NALF1: variants seen among roughly 807,000 people sequenced by gnomAD.
The protein encoded by NALF1 is NALCN channel auxiliary factor 1.
NALF1 carries 3 observed loss-of-function variants against 48.4 expected under a neutral mutation model. The ratio of observed to expected loss-of-function variants is 0.06; its 90% CI spans 0.03 to 0.16. The LOEUF is 0.16. Among genes scored for constraint, NALF1 ranks in the 10% least tolerant of loss-of-function variants. The pLI, the probability that NALF1 is intolerant of heterozygous loss-of-function variation, is 1.00. For synonymous variants in NALF1, 262 were observed against 245.7 expected (o/e 1.07, Z -0.62); for missense variants, 526 against 571.5 (o/e 0.92, Z 0.81).
At chr13:107,312,026 G>A (rs1455601582) in intron 1 of NALF1, among the ~76,000 whole-genome samples, 1 of 152,148 alleles carries the variant, frequency 6.6e-6, no homozygotes, top group Non-Finnish European at 1.5e-5. Context: ...ATTCCTCAGG[G>A]ATCTAGAACT....
intron 1 of NALF1, among the ~76,000 whole-genome samples, chr13:107,295,279 T>C (rs1482726712): frequency 2.0e-5 from 3 of 152,222 alleles, no homozygotes; most frequent in Admixed American, 6.5e-5. Context: ...CTTAAGATAA[T>C]GACCTCCAGT....
At chr13:107,430,422 T>C (rs1337549715) in intron 1 of NALF1, among the ~76,000 whole-genome samples, 1 of 152,130 alleles carries the variant, frequency 6.6e-6, no homozygotes, top group Non-Finnish European at 1.5e-5. Context: ...GTATATCTCC[T>C]AATGCTATCC....
chr13:107,800,109 ATTG>A (rs1878559583), intron 1 of NALF1, among the ~76,000 whole-genome samples: 2 of 152,130 alleles, frequency 1.3e-5, no homozygotes, highest in South Asian at 4.1e-4. Flanking sequence ...GTAGTTGATA[ATTG>A]TTGGTGGGTC....
Position 107,169,353 on chromosome 13 carries a change from G to C in NALF1, c.*1144C>G, listed in dbSNP as rs1272106039. ...TATTCTGTATATTGCAGGTGTTTGA[G>C]CATTTCTAGTGTCTCTTCCACAACA... On this transcript the variant is annotated 3_prime_UTR_variant, in exon 3 of 3. Coordinates refer to ENST00000375915, the MANE Select transcript of NALF1 (RefSeq NM_001080396.3). 1 of 152,184 alleles carries C rather than the reference G, an allele frequency of 6.6e-6. No individual in the cohort carries two copies. The highest frequency in any genetic ancestry group is 1.5e-5 in the Non-Finnish European group (1 of 68,034). 9.4% of individuals were successfully genotyped at this position (152,184 alleles called of 1,614,324 possible). A position where few individuals can be genotyped will look rare whatever the true frequency, so the allele number is the denominator to read the frequency against.
At chr13:107,665,872 G>A (rs114138358) in intron 1 of NALF1, among the ~76,000 whole-genome samples, 134 of 152,254 alleles carry the variant, frequency 8.8e-4, no homozygotes, top group African/African-American at 3.1e-3. Flanking sequence ...AAGTGATGAT[G>A]CCAGCCATTT....
chr13:107,531,764 T>C (rs1876647730), intron 1 of NALF1, among the ~76,000 whole-genome samples: 1 of 152,122 alleles, frequency 6.6e-6, no homozygotes, highest in Non-Finnish European at 1.5e-5. Context: ...GAATACGTGT[T>C]GCAAGTAATT....
At chr13:107,832,123 T>C (rs1292547579) in intron 1 of NALF1, among the ~76,000 whole-genome samples, 2 of 152,102 alleles carry the variant, frequency 1.3e-5, no homozygotes, top group Admixed American at 6.6e-5. Flanking sequence ...GAACTGAACC[T>C]ACAAGTAAAT....
intron 1 of NALF1, among the ~76,000 whole-genome samples, chr13:107,316,113 G>A (rs984012164): frequency 1.3e-4 from 19 of 151,670 alleles, no homozygotes; most frequent in Non-Finnish European, 2.4e-4. Context: ...TGTTCTCATT[G>A]TTCAATTCCC....
At chr13:107,512,024 T>TTTGG (rs1451230866) in intron 1 of NALF1, among the ~76,000 whole-genome samples, 1 of 152,162 alleles carries the variant, frequency 6.6e-6, no homozygotes, top group Non-Finnish European at 1.5e-5. Flanking sequence ...TGTTAGTACA[T>TTTGG]TTGGTTGGTT....
intron 1 of NALF1, among the ~76,000 whole-genome samples, chr13:107,357,881 CTGATAATTCAGGGGTCAT>C (rs1882990506): frequency 6.6e-6 from 1 of 152,146 alleles, no homozygotes; most frequent in Admixed American, 6.5e-5. Context: ...GCAGGGCTCA[CTGATAATTCAGGGGTCAT>C]TGCGAGGCTC....
At chr13:107,233,062 T>C (rs899860925) in intron 1 of NALF1, among the ~76,000 whole-genome samples, 1 of 152,198 alleles carries the variant, frequency 6.6e-6, no homozygotes, top group Non-Finnish European at 1.5e-5. Context: ...CTTCTCTTTC[T>C]GGGAAGTGTT....
At chr13:107,773,935 A>G (rs913596067) in intron 1 of NALF1, among the ~76,000 whole-genome samples, 10 of 152,196 alleles carry the variant, frequency 6.6e-5, no homozygotes, top group Non-Finnish European at 1.0e-4. Context: ...AATCAACTAT[A>G]TTGTAAAGAT....
At chr13:107,384,753 G>A (rs1245635658) in intron 1 of NALF1, among the ~76,000 whole-genome samples, 2 of 152,120 alleles carry the variant, frequency 1.3e-5, no homozygotes, top group African/African-American at 4.8e-5. Context: ...CCATGGTGGT[G>A]AACAAAAATC....
chr13:107,650,716 A>G lies in NALF1; in HGVS notation c.915+214966T>C, dbSNP rs190474866. On this transcript the variant is annotated intron_variant, in intron 1 of 2. Transcript: ENST00000375915. ...GTAACCAAATGCTACCTGTACCCCA[A>G]TAACTTATGAAAAAATAAAAATAAA... Among the ~76,000 whole-genome samples the G allele has an allele frequency of 2.0e-3, 303 of 152,268 alleles. 1 individual carries two copies. The highest frequency in any genetic ancestry group is 3.3e-3 in the Non-Finnish European group (224 of 68,022).
chr13:107,675,482 A>G (rs1256878042), intron 1 of NALF1, among the ~76,000 whole-genome samples: 1 of 152,220 alleles, frequency 6.6e-6, no homozygotes, highest in Non-Finnish European at 1.5e-5. Context: ...ATCATGTTGC[A>G]TTATAACTTC....
intron 1 of NALF1, among the ~76,000 whole-genome samples, chr13:107,748,338 G>T (rs1312983108): frequency 6.6e-6 from 1 of 152,228 alleles, no homozygotes; most frequent in South Asian, 2.1e-4. Context: ...TTCCTTATGA[G>T]CAAATTGTTG....
intron 1 of NALF1, among the ~76,000 whole-genome samples, chr13:107,214,271 C>T (rs1479313768): frequency 2.0e-5 from 3 of 152,072 alleles, no homozygotes; most frequent in Non-Finnish European, 4.4e-5. Context: ...TTGACTAAAT[C>T]TTAAAAGTAA....
intron 1 of NALF1, among the ~76,000 whole-genome samples, chr13:107,851,809 T>TC (rs1880325363): frequency 7.0e-6 from 1 of 142,332 alleles, no homozygotes; most frequent in Admixed American, 7.0e-5. Flanking sequence ...CCCTTTCTTT[T>TC]TTTTTTTTTT....
intron 1 of NALF1, among the ~76,000 whole-genome samples, chr13:107,368,536 C>A (rs1167726551): frequency 6.6e-6 from 1 of 152,142 alleles, no homozygotes; most frequent in African/African-American, 2.4e-5. Context: ...GGGGCAATTC[C>A]ACTCTTCGTC....
Sources: allele counts gnomAD v4.1 joint callset (sites outside exome capture counted in the v4.1 genomes callset), GRCh38; gene constraint gnomAD v4.1.1; transcripts MANE v1.5; gene names NCBI Gene and HGNC (gene_info 2026-07-23, HGNC 2026-07-21).